Variants in PCDH7 observed in about 807,000 individuals in gnomAD.
PCDH7 encodes the protein protocadherin 7.
In PCDH7, 17 loss-of-function variants were observed where a neutral mutation model predicts 58.9. The ratio of observed to expected loss-of-function variants is 0.29; its 90% CI spans 0.20 to 0.43. The LOEUF is 0.43. Among genes scored for constraint, PCDH7 ranks in the 20% least tolerant of loss-of-function variants. The pLI, the probability that PCDH7 is intolerant of heterozygous loss-of-function variation, is 1.00. For missense variants in PCDH7, 1,274 were observed against 1,441.0 expected (o/e 0.88, Z 1.88); for synonymous variants, 664 against 616.4 (o/e 1.08, Z -1.14).
intron 1 of PCDH7, among the ~76,000 whole-genome samples, chr4:30,811,637 C>A (rs533278441): frequency 2.6e-5 from 4 of 152,256 alleles, no homozygotes; most frequent in Non-Finnish European, 5.9e-5. Context: ...ATTTTAATTT[C>A]TTTTAAAGTC....
chr4:31,120,339 C>CT (rs1329724178), intron 3 of PCDH7, among the ~76,000 whole-genome samples: 2 of 148,704 alleles, frequency 1.3e-5, no homozygotes, highest in East Asian at 3.9e-4. Context: ...TTAAATTCTT[C>CT]TTTTTTCCAT....
chr4:30,937,814 A>G (rs1043909219), intron 2 of PCDH7, among the ~76,000 whole-genome samples: 2 of 151,930 alleles, frequency 1.3e-5, no homozygotes, highest in African/African-American at 2.4e-5. Flanking sequence ...TATTTGACAT[A>G]TGGAATCATG....
At chr4:31,130,072 T>C (rs535922202) in intron 3 of PCDH7, among the ~76,000 whole-genome samples, 1 of 152,288 alleles carries the variant, frequency 6.6e-6, no homozygotes, top group East Asian at 1.9e-4. Flanking sequence ...AAGTATTTAT[T>C]AGAGTTGTGC....
chr4:30,748,686 A>T (rs1264123701), intron 1 of PCDH7, among the ~76,000 whole-genome samples: 1 of 152,198 alleles, frequency 6.6e-6, no homozygotes, highest in Non-Finnish European at 1.5e-5. Context: ...ACACATTCAA[A>T]CCATAGCAGT....
intron 1 of PCDH7, among the ~76,000 whole-genome samples, chr4:30,766,175 A>G (rs1303108268): frequency 6.6e-6 from 1 of 152,046 alleles, no homozygotes; most frequent in Admixed American, 6.6e-5. Flanking sequence ...TCACTGTGTT[A>G]TAAGTGAGAT....
chr4:30,742,429 G>A (rs1717202873), intron 1 of PCDH7, among the ~76,000 whole-genome samples: 2 of 152,118 alleles, frequency 1.3e-5, no homozygotes, highest in Admixed American at 1.3e-4. Context: ...ACATCGTGAA[G>A]GAAGAACAGA....
intron 3 of PCDH7, among the ~76,000 whole-genome samples, chr4:31,064,580 C>A (rs1371105186): frequency 6.6e-6 from 1 of 151,962 alleles, no homozygotes; most frequent in Non-Finnish European, 1.5e-5. Flanking sequence ...TGCCTCTTCC[C>A]AGCTTCTGTG....
chr4:30,731,953 T>C (rs920476736), exon 2 of PCDH7: 1 of 152,184 alleles, frequency 6.6e-6, no homozygotes, highest in African/African-American at 2.4e-5. Flanking sequence ...ATTAAAATTT[T>C]CCACAAATTT....
rs140601342 is a variant in PCDH7, at chr4:30,890,820, T to A, written c.71-29333T>A. ...CTTATATTTACCTAGCGTAGTAAAT[T>A]ATATCAGTAATGATTTCTTGATATC... On this transcript the variant is annotated intron_variant, in intron 1 of 3. Transcript: ENST00000509759. Among the ~76,000 whole-genome samples, 106 of 152,292 alleles carry A rather than the reference T, an allele frequency of 7.0e-4. 1 individual carries two copies. The East Asian group carries it at 0.018, about 26-fold the overall frequency.
chr4:30,866,817 T>A (rs1734939627), intron 1 of PCDH7, among the ~76,000 whole-genome samples: 1 of 152,098 alleles, frequency 6.6e-6, no homozygotes, highest in Non-Finnish European at 1.5e-5. Context: ...AAAGGAAAGA[T>A]GAAACCCTTC....
chr4:31,125,519 A>G (rs61794141), intron 3 of PCDH7, among the ~76,000 whole-genome samples: 4,585 of 152,290 alleles, frequency 0.03, 185 homozygotes, highest in East Asian at 0.19. Flanking sequence ...ATGGTTTGGC[A>G]TATGATTTTT....
chr4:30,890,597 T>A (rs1738486172), intron 1 of PCDH7, among the ~76,000 whole-genome samples: 1 of 151,996 alleles, frequency 6.6e-6, no homozygotes, highest in African/African-American at 2.4e-5. Context: ...TTTCAAAGAG[T>A]TAATTCATTT....
At chr4:31,006,157 T>C (rs1752753363) in intron 3 of PCDH7, among the ~76,000 whole-genome samples, 1 of 152,230 alleles carries the variant, frequency 6.6e-6, no homozygotes, top group Admixed American at 6.5e-5. Context: ...TGTCATTGAT[T>C]GGTTATAAAA....
At chr4:31,059,135 A>G (rs1027273410) in intron 3 of PCDH7, among the ~76,000 whole-genome samples, 1 of 151,894 alleles carries the variant, frequency 6.6e-6, no homozygotes, top group African/African-American at 2.4e-5. Flanking sequence ...ATGTCTTAAG[A>G]TCATTTTTGT....
intron 3 of PCDH7, among the ~76,000 whole-genome samples, chr4:31,087,629 T>C (rs990449916): frequency 6.6e-6 from 1 of 152,054 alleles, no homozygotes; most frequent in Non-Finnish European, 1.5e-5. Context: ...TAATAGTGGA[T>C]ACACAGCTGT....
At chr4:30,811,976 A>G (rs1407887126) in intron 1 of PCDH7, among the ~76,000 whole-genome samples, 1 of 152,210 alleles carries the variant, frequency 6.6e-6, no homozygotes, top group Non-Finnish European at 1.5e-5. Flanking sequence ...GTTAATTCAG[A>G]CATGCACAAG....
intron 3 of PCDH7, among the ~76,000 whole-genome samples, chr4:30,959,042 A>T (rs1292220375): frequency 1.3e-5 from 2 of 152,086 alleles, no homozygotes; most frequent in Non-Finnish European, 1.5e-5. Flanking sequence ...AAAGTTTAAG[A>T]AAGTATGGAA....
chr4:31,137,535 G>C (rs952768944), intron 3 of PCDH7, among the ~76,000 whole-genome samples: 1 of 152,226 alleles, frequency 6.6e-6, no homozygotes, highest in African/African-American at 2.4e-5. Flanking sequence ...AATGAGCCGA[G>C]ATCGTGCCAC....
chr4:30,805,861 T>G (rs1726131815), intron 1 of PCDH7, among the ~76,000 whole-genome samples: 1 of 152,232 alleles, frequency 6.6e-6, no homozygotes, highest in Non-Finnish European at 1.5e-5. Context: ...TTACAATACA[T>G]TCTCCATGGA....
Sources: allele counts gnomAD v4.1 joint callset (sites outside exome capture counted in the v4.1 genomes callset), GRCh38; gene constraint gnomAD v4.1.1; transcripts MANE v1.5; gene names NCBI Gene and HGNC (gene_info 2026-07-23, HGNC 2026-07-21).